The following DIAPH3 variants were observed in gnomAD, a reference collection of about 807,000 sequenced individuals.
The protein encoded by DIAPH3 is diaphanous related formin 3, also known as protein diaphanous homolog 3.
Under a neutral mutation model 144.3 loss-of-function variants are expected in DIAPH3, and 117 were observed. The observed-to-expected ratio is 0.81, with a 90% CI of 0.70 to 0.95. The LOEUF is 0.95. Among genes scored for constraint, DIAPH3 ranks in the 40% least tolerant of loss-of-function variants. The probability of loss-of-function intolerance (pLI) is 0.00; values close to 1 mark genes in which losing one functional copy is unlikely to be tolerated. For synonymous variants in DIAPH3, 519 were observed against 488.9 expected (o/e 1.06, Z -0.81); for missense variants, 1,421 against 1,412.7 (o/e 1.01, Z -0.09).
chr13:59,865,912 T>G (rs997248621), intron 21 of DIAPH3, among the ~76,000 whole-genome samples: 35 of 152,012 alleles, frequency 2.3e-4, no homozygotes, highest in African/African-American at 7.7e-4. Context: ...CCTTCCTGTT[T>G]GAAATAATGA....
intron 1 of DIAPH3, among the ~76,000 whole-genome samples, chr13:60,157,667 T>G (rs898263598): frequency 6.6e-6 from 1 of 152,266 alleles, no homozygotes; most frequent in Non-Finnish European, 1.5e-5. Flanking sequence ...ACCTTTGCAC[T>G]GTATCCTGAA....
At chr13:59,863,769 C>T (rs1375676170) in intron 21 of DIAPH3, among the ~76,000 whole-genome samples, 1 of 152,082 alleles carries the variant, frequency 6.6e-6, no homozygotes, top group African/African-American at 2.4e-5. Context: ...ATACAGATTT[C>T]ACAACATAGA....
chr13:59,765,325 A>G (rs930149044), intron 27 of DIAPH3, among the ~76,000 whole-genome samples: 7 of 152,306 alleles, frequency 4.6e-5, no homozygotes, highest in Middle Eastern at 3.4e-3. Context: ...CATGGAAGGA[A>G]AGTGAAGAAG....
intron 2 of DIAPH3, among the ~76,000 whole-genome samples, chr13:60,126,435 T>C (rs1331973001): frequency 6.6e-6 from 1 of 152,172 alleles, no homozygotes; most frequent in African/African-American, 2.4e-5. Flanking sequence ...AACAATCTTA[T>C]ATATGCACTT....
intron 27 of DIAPH3, among the ~76,000 whole-genome samples, chr13:59,689,546 T>C (rs891757120): frequency 1.3e-5 from 2 of 151,942 alleles, no homozygotes; most frequent in African/African-American, 2.4e-5. Flanking sequence ...TTTAGGCAAA[T>C]CATGAAGGAA....
chr13:60,162,388 A>T (rs1179000299), intron 1 of DIAPH3, among the ~76,000 whole-genome samples: 1 of 152,200 alleles, frequency 6.6e-6, no homozygotes, highest in Non-Finnish European at 1.5e-5. Flanking sequence ...AAGGAAGAAA[A>T]GTCATTGCCT....
intron 25 of DIAPH3, among the ~76,000 whole-genome samples, chr13:59,796,899 T>C (rs2139442204): frequency 6.6e-6 from 1 of 152,314 alleles, no homozygotes; most frequent in African/African-American, 2.4e-5. Context: ...AAGTTTGTTA[T>C]TAATTTACAG....
At chr13:59,845,171 G>C (rs1418794047) in intron 22 of DIAPH3, among the ~76,000 whole-genome samples, 1 of 151,726 alleles carries the variant, frequency 6.6e-6, no homozygotes, top group Non-Finnish European at 1.5e-5. Context: ...TCAGTCTCCT[G>C]AGTAGCTAGG....
chr13:59,880,978 C>CAAAAAAAAAAAAAAAAAAAGAAA (rs2044990892), intron 20 of DIAPH3, among the ~76,000 whole-genome samples: 1 of 64,822 alleles, frequency 1.5e-5, no homozygotes, highest in Non-Finnish European at 3.1e-5. Context: ...CAACAAGGAC[C>CAAAAAAAAAAAAAAAAAAAGAAA]AAAAAAAAAA....
At chr13:59,805,907 A>T (rs2040170155) in intron 25 of DIAPH3, among the ~76,000 whole-genome samples, 1 of 152,012 alleles carries the variant, frequency 6.6e-6, no homozygotes, top group Non-Finnish European at 1.5e-5. Context: ...ATTTGGAAAT[A>T]GTTGCCTGTT....
chr13:59,888,894 T>A (rs1019114124), intron 20 of DIAPH3, among the ~76,000 whole-genome samples: 6 of 152,222 alleles, frequency 3.9e-5, no homozygotes, highest in African/African-American at 7.2e-5. Context: ...AACACCTTTC[T>A]GTTGAGCTTC....
chr13:60,004,956 T>C (rs1175495966), intron 9 of DIAPH3, among the ~76,000 whole-genome samples: 1 of 152,214 alleles, frequency 6.6e-6, no homozygotes, highest in Non-Finnish European at 1.5e-5. Context: ...GTGACTTCCA[T>C]AACTACGGAA....
chr13:59,942,068 G>A (rs956217946), intron 17 of DIAPH3, among the ~76,000 whole-genome samples: 1 of 152,112 alleles, frequency 6.6e-6, no homozygotes, highest in Non-Finnish European at 1.5e-5. Context: ...GCCTGAAGAA[G>A]ATATATATGA....
intron 27 of DIAPH3, among the ~76,000 whole-genome samples, chr13:59,749,394 C>A (rs2036878628): frequency 6.7e-6 from 1 of 149,804 alleles, no homozygotes; most frequent in African/African-American, 2.5e-5. Flanking sequence ...GTGGTGGGCA[C>A]CTGTAGTCCC....
At chr13:60,004,594 T>TA (rs1208006860) in intron 9 of DIAPH3, among the ~76,000 whole-genome samples, 1 of 152,140 alleles carries the variant, frequency 6.6e-6, no homozygotes. Context: ...AATAAGAATG[T>TA]AAAACAATTC....
Position 59,778,029 on chromosome 13 carries a change from T to C in DIAPH3, c.3164-3206A>G, listed in dbSNP as rs1200932070. 3.3e-5 allele frequency among the ~76,000 whole-genome samples: 5 copies of C among 152,216 alleles called. No individual in the cohort carries two copies. The East Asian group carries it at 7.7e-4, about 23-fold the overall frequency. ...GTGTGATAACTGTATTATGGTTCAC[T>C]AGAATAATCTCATTGTTCTTAGGCA... On this transcript the variant is annotated intron_variant, in intron 25 of 27. Transcript: ENST00000400324.
intron 27 of DIAPH3, among the ~76,000 whole-genome samples, chr13:59,719,092 AAAAAC>A (rs962552567): frequency 5.9e-5 from 9 of 152,200 alleles, no homozygotes; most frequent in African/African-American, 1.4e-4. Context: ...TCTTTAGCAA[AAAAAC>A]AAAACAAAAC....
intron 7 of DIAPH3, among the ~76,000 whole-genome samples, chr13:60,011,526 T>C (rs931493066): frequency 1.3e-5 from 2 of 152,206 alleles, no homozygotes; most frequent in African/African-American, 2.4e-5. Flanking sequence ...ATATAACCAA[T>C]ATAAAACATT....
At chr13:59,904,419 G>A (rs1031541586) in intron 20 of DIAPH3, among the ~76,000 whole-genome samples, 4 of 152,000 alleles carry the variant, frequency 2.6e-5, no homozygotes, top group Admixed American at 6.6e-5. Context: ...TCAGTTTACC[G>A]AAATGATACT....
Sources: gnomAD v4.1 joint callset for allele counts (sites outside exome capture counted in the v4.1 genomes callset) on GRCh38, gnomAD v4.1.1 for gene constraint, MANE v1.5 for transcripts, NCBI Gene and HGNC (gene_info 2026-07-23, HGNC 2026-07-21) for gene names.